The following TMEM74 variants were observed in gnomAD, a reference collection of about 807,000 sequenced individuals.
The protein encoded by TMEM74 is transmembrane protein 74.
A neutral mutation model predicts 18.1 loss-of-function variants in TMEM74; 13 were observed. The observed-to-expected ratio is 0.72, with a 90% confidence interval of 0.47 to 1.14. The LOEUF (loss-of-function observed/expected upper bound fraction) is 1.14, where lower values mean the gene tolerates loss of function less well. Among genes scored for constraint, TMEM74 ranks in the 50% most tolerant of loss-of-function variants. The pLI is 0.00. For missense variants in TMEM74, 372 were observed against 375.9 expected (o/e 0.99, Z 0.09); for synonymous variants, 159 against 146.6 (o/e 1.08, Z -0.61).
chr8:108,664,893 A>C (rs1006943272), intron 1 of TMEM74, among the ~76,000 whole-genome samples: 3 of 152,084 alleles, frequency 2.0e-5, no homozygotes, highest in Non-Finnish European at 4.4e-5. Flanking sequence ...TTCTCACCTG[A>C]ATGGAGTTCA....
At chr8:108,749,225 C>T (rs540549397) in intron 1 of TMEM74, among the ~76,000 whole-genome samples, 1 of 151,964 alleles carries the variant, frequency 6.6e-6, no homozygotes, top group East Asian at 1.9e-4. Flanking sequence ...AGCACTGAAT[C>T]TCTAAATTGC....
At chr8:108,748,210 A>G (rs1813869898) in intron 1 of TMEM74, among the ~76,000 whole-genome samples, 1 of 152,012 alleles carries the variant, frequency 6.6e-6, no homozygotes, top group African/African-American at 2.4e-5. Flanking sequence ...TTTCTCCACT[A>G]CCTCACTAAG....
At chr8:108,680,090 A>G (rs1410371760) in intron 1 of TMEM74, among the ~76,000 whole-genome samples, 1 of 152,200 alleles carries the variant, frequency 6.6e-6, no homozygotes, top group Non-Finnish European at 1.5e-5. Flanking sequence ...CAGAGGTACA[A>G]GGAGGAGCTG....
intron 1 of TMEM74, among the ~76,000 whole-genome samples, chr8:108,661,626 T>C (rs1464914093): frequency 6.6e-6 from 1 of 152,088 alleles, no homozygotes. Flanking sequence ...TGAAACCATG[T>C]CTTACGGAGA....
At chr8:108,757,381 C>G (rs916898457) in intron 1 of TMEM74, among the ~76,000 whole-genome samples, 23 of 151,984 alleles carry the variant, frequency 1.5e-4, no homozygotes, top group South Asian at 2.1e-4. Flanking sequence ...TCTTTGTATT[C>G]TTATATTCCA....
At chr8:108,656,140 G>T (rs1253792519) in intron 1 of TMEM74, among the ~76,000 whole-genome samples, 2 of 152,156 alleles carry the variant, frequency 1.3e-5, no homozygotes, top group Non-Finnish European at 2.9e-5. Flanking sequence ...CTAATTTCAA[G>T]ATTGGTGAGT....
chr8:108,670,508 C>T (rs1812993766), intron 1 of TMEM74, among the ~76,000 whole-genome samples: 2 of 152,134 alleles, frequency 1.3e-5, no homozygotes, highest in Admixed American at 1.3e-4. Context: ...AGTCTTAATG[C>T]ACCATATGAT....
In TMEM74 at chr8:108,651,928, G is replaced by A. The variant is rs75729486; in HGVS notation, n.264+3365C>T. On this transcript the variant is annotated intron_variant and non_coding_transcript_variant, in intron 2 of 3. Transcript: ENST00000518838. ...GACTTCCTTATACACCCAGTGTTAC[G>A]ACCATGTGTCGCTAAAAAAAAAAAA... 6.8e-3 allele frequency among the ~76,000 whole-genome samples: 1,031 copies of A among 150,578 alleles called. 15 individuals carry two copies. Among genetic ancestry groups the A allele is most frequent in the African/African-American group, 0.022 (884 of 41,014 alleles).
At chr8:108,693,535 C>G (rs368942255) in intron 1 of TMEM74, among the ~76,000 whole-genome samples, 1 of 152,178 alleles carries the variant, frequency 6.6e-6, no homozygotes, top group Non-Finnish European at 1.5e-5. Context: ...AGACTGGAAA[C>G]GTCAGCTAAT....
intron 2 of TMEM74, among the ~76,000 whole-genome samples, chr8:108,619,838 C>T (rs774236892): frequency 2.0e-5 from 3 of 152,086 alleles, no homozygotes; most frequent in African/African-American, 4.8e-5. Flanking sequence ...CTGTGTATTT[C>T]GAAGATTCAT....
intron 1 of TMEM74, among the ~76,000 whole-genome samples, chr8:108,745,517 G>T (rs1017405365): frequency 4.6e-5 from 7 of 152,234 alleles, no homozygotes; most frequent in African/African-American, 1.7e-4. Context: ...AGAAACAGGT[G>T]CTGGGCTGGA....
In TMEM74 at chr8:108,748,272, C is replaced by T. The variant is rs141848389; in HGVS notation, n.119+39204G>A. Among the ~76,000 whole-genome samples the T allele has an allele frequency of 2.5e-3, 379 of 152,174 alleles. 2 individuals carry two copies. Among genetic ancestry groups the T allele is most frequent in the African/African-American group, 8.7e-3 (360 of 41,536 alleles). On this transcript the variant is annotated intron_variant and non_coding_transcript_variant, in intron 1 of 3. Coordinates refer to the TMEM74 transcript ENST00000518838. The stretch of plus-strand genomic sequence containing the variant: ...AATAGCCATTCTGACTGGCATGAGA[C>T]GGTATCTCACTGTGGTTTTGATTGG...
At chr8:108,695,208 T>C (rs1813268393) in intron 1 of TMEM74, among the ~76,000 whole-genome samples, 1 of 152,188 alleles carries the variant, frequency 6.6e-6, no homozygotes, top group Non-Finnish European at 1.5e-5. Flanking sequence ...GGGATTTTAC[T>C]TCTGCTTCTT....
At chr8:108,745,936 T>C (rs889788505) in intron 1 of TMEM74, among the ~76,000 whole-genome samples, 30 of 152,264 alleles carry the variant, frequency 2.0e-4, no homozygotes, top group Admixed American at 5.2e-4. Flanking sequence ...TCCCCAGTCA[T>C]GTACCCGCTG....
At position 108,736,642 on chromosome 8, in the gene TMEM74, C is replaced by T. The variant is rs575622299; in HGVS notation, n.119+50834G>A. Among the ~76,000 whole-genome samples the T allele has an allele frequency of 5.7e-4, 87 of 151,610 alleles. 1 individual carries two copies. The South Asian group carries it at 0.012, about 20-fold the overall frequency. ...GCTATTAAAAGAGATCTAGGGAAGA[C>T]GCTGTCTCAAAAAAAAAGAGATCTA... is the stretch of plus-strand genomic sequence containing the variant. On this transcript the variant is annotated intron_variant and non_coding_transcript_variant, in intron 1 of 3. Transcript: ENST00000518838.
At chr8:108,690,686 G>A (rs2130607009) in intron 1 of TMEM74, among the ~76,000 whole-genome samples, 1 of 152,196 alleles carries the variant, frequency 6.6e-6, no homozygotes, top group East Asian at 1.9e-4. Context: ...GCCGGGCATG[G>A]TGGCAGGCGC....
chr8:108,765,068 C>G (rs950812432), intron 1 of TMEM74, among the ~76,000 whole-genome samples: 2 of 152,146 alleles, frequency 1.3e-5, no homozygotes, highest in Admixed American at 1.3e-4. Context: ...TTCAGGCACA[C>G]AACTTCAACA....
At chr8:108,745,565 T>C (rs1813840849) in intron 1 of TMEM74, among the ~76,000 whole-genome samples, 1 of 152,142 alleles carries the variant, frequency 6.6e-6, no homozygotes, top group Non-Finnish European at 1.5e-5. Context: ...CTCTGGTGTA[T>C]ATTAAAGCAC....
chr8:108,668,766 A>G (rs1336776570), intron 1 of TMEM74, among the ~76,000 whole-genome samples: 1 of 152,144 alleles, frequency 6.6e-6, no homozygotes, highest in Non-Finnish European at 1.5e-5. Flanking sequence ...CAAAATAAAC[A>G]TATTTATACA....
Sources: gnomAD v4.1 joint callset for allele counts (sites outside exome capture counted in the v4.1 genomes callset) on GRCh38, gnomAD v4.1.1 for gene constraint, MANE v1.5 for transcripts, NCBI Gene and HGNC (gene_info 2026-07-23, HGNC 2026-07-21) for gene names.